The following ATP11C variants were observed in gnomAD, a reference collection of about 807,000 sequenced individuals.
ATP11C encodes phospholipid-transporting ATPase IG.
In ATP11C, 36 loss-of-function variants were observed where a neutral mutation model predicts 97.4. That is an observed-to-expected ratio of 0.37 (90% CI 0.28 to 0.49). The LOEUF (loss-of-function observed/expected upper bound fraction) is 0.49, where lower values mean the gene tolerates loss of function less well. Ranked by LOEUF, ATP11C falls within the 20% of genes least tolerant of loss-of-function variation. The probability of loss-of-function intolerance (pLI) is 0.98; values close to 1 mark genes in which losing one functional copy is unlikely to be tolerated. For synonymous variants in ATP11C, 275 were observed against 290.9 expected (o/e 0.95, Z 0.56); for missense variants, 730 against 824.6 (o/e 0.89, Z 1.40).
chrX:139,731,873 C>A, intron 28 of ATP11C, 118 bp from the exon 29 acceptor site: 1 of 314,661 alleles, frequency 3.2e-6, no homozygotes, highest in Non-Finnish European at 5.6e-6. Flanking sequence ...ACTCCTCTGG[C>A]CAAAAGTACA....
rs376424504 is a variant in ATP11C, at chrX:139,831,774, T to G, written c.28-4951A>C. 9.8e-5 allele frequency among the ~76,000 whole-genome samples: 11 copies of G among 111,916 alleles called. No individual in the cohort carries two copies. In the East Asian group the frequency reaches 2.3e-3, roughly 23 times the overall value. ...CCATTTATAGGAAGTAACCTGCGACTCTCAGTGTTCCTTTGGGGTCTCAGC... is the reference window on the plus strand; with the variant it reads ...CCATTTATAGGAAGTAACCTGCGACGCTCAGTGTTCCTTTGGGGTCTCAGC... On this transcript the variant is annotated intron_variant, in intron 1 of 29. Transcript: ENST00000682941.
chrX:139,893,579 A>G (rs4354480), intron 1 of ATP11C, among the ~76,000 whole-genome samples: 7,956 of 111,533 alleles, frequency 0.071, 290 homozygotes, highest in Admixed American at 0.17. Flanking sequence ...TATCATGAGC[A>G]TAACAGGTAA....
At chrX:139,788,650 A>G (rs1569456030) in intron 13 of ATP11C, among the ~76,000 whole-genome samples, 1 of 111,827 alleles carries the variant, frequency 8.9e-6, no homozygotes. Context: ...TCTAATTCAC[A>G]ATCTAGCAAT....
At chrX:139,920,428 C>T (rs1016721274) in intron 1 of ATP11C, among the ~76,000 whole-genome samples, 32 of 110,511 alleles carry the variant, frequency 2.9e-4, no homozygotes, top group Non-Finnish European at 5.7e-4. Flanking sequence ...TATTACTATG[C>T]TACACCAAAG....
intron 1 of ATP11C, among the ~76,000 whole-genome samples, chrX:139,829,954 C>T (rs2083610201): frequency 9.0e-6 from 1 of 111,280 alleles, no homozygotes; most frequent in African/African-American, 3.3e-5. Context: ...TATGTCTTTG[C>T]TAGTCATAAA....
chrX:139,926,666 T>C (rs2085356190), intron 1 of ATP11C, among the ~76,000 whole-genome samples: 1 of 112,640 alleles, frequency 8.9e-6, no homozygotes, highest in Non-Finnish European at 1.9e-5. Context: ...ACCTGGTATA[T>C]AGGCACTCAA....
Position 139,731,654 on chromosome X carries a change from T to C in ATP11C, c.3390A>G (p.Ter1130=). 1 of 1,167,462 alleles carries C rather than the reference T, an allele frequency of 8.6e-7. No individual in the cohort carries two copies. The highest frequency in any genetic ancestry group is 1.2e-6 in the Non-Finnish European group (1 of 864,446). Residue 1130 remains the stop codon, a stop_retained_variant, in exon 29 of 30, where the codon TAA becomes TAG. Coordinates refer to ENST00000682941, the MANE Select transcript of ATP11C (RefSeq NM_001353812.2). The stretch of plus-strand genomic sequence containing the variant: ...CCATTTGTTTAACACTAGGTACCTG[T>C]TACAATACATTAGATTCGTCTGAGA... ...RTFSDESNVL[*] is the part of the protein sequence containing the mutation.
chrX:139,789,381 A>G lies in ATP11C; in HGVS notation c.1314T>C (p.Val438=), dbSNP rs780385336. Reference sequence around the variant, plus strand: ...TTCCATCAGTTTGAGATAATCCATCAACCTCTTGAGTTACACCTTTATATT... The same window carrying G: ...TTCCATCAGTTTGAGATAATCCATCGACCTCTTGAGTTACACCTTTATATT... ...GHKYKGVTQE[V]DGLSQTDGTL... Residue 438 remains valine, a synonymous_variant, in exon 13 of 30, where the codon GTT becomes GTC. Coordinates refer to ENST00000682941, the MANE Select transcript of ATP11C (RefSeq NM_001353812.2). 1.7e-6 allele frequency: 2 copies of G among 1,207,182 alleles called. No homozygotes were observed. Among genetic ancestry groups the G allele is most frequent in the Admixed American group, 4.4e-5 (2 of 45,771 alleles).
chrX:139,919,871 A>C (rs928359633), intron 1 of ATP11C, among the ~76,000 whole-genome samples: 4 of 111,783 alleles, frequency 3.6e-5, no homozygotes, highest in African/African-American at 1.3e-4. Context: ...ATGTGCCATG[A>C]TGGCGCCACT....
chrX:139,872,634 T>C (rs1204701720), intron 1 of ATP11C, among the ~76,000 whole-genome samples: 2 of 110,811 alleles, frequency 1.8e-5, no homozygotes, highest in African/African-American at 6.6e-5. Flanking sequence ...GTCCTTGCGA[T>C]AGTTTGCTCA....
At chrX:139,869,117 G>C (rs1474383546) in intron 1 of ATP11C, among the ~76,000 whole-genome samples, 1 of 112,206 alleles carries the variant, frequency 8.9e-6, no homozygotes, top group Admixed American at 9.4e-5. Context: ...TCCCACTTCT[G>C]GGTGTATCAC....
intron 1 of ATP11C, among the ~76,000 whole-genome samples, chrX:139,896,330 T>C (rs771441652): frequency 9.1e-6 from 1 of 110,110 alleles, no homozygotes; most frequent in South Asian, 3.9e-4. Context: ...AAATCCCAAT[T>C]GAAGGACATT....
chrX:139,802,051 G>T (rs187480069), intron 7 of ATP11C, among the ~76,000 whole-genome samples, 185 bp downstream of exon 7: 15 of 111,924 alleles, frequency 1.3e-4, no homozygotes, highest in Non-Finnish European at 2.3e-4. Context: ...GGCCCACAAT[G>T]ATTTATTCTG....
At chrX:139,927,783 G>A (rs1378253852) in intron 1 of ATP11C, among the ~76,000 whole-genome samples, 3 of 110,060 alleles carry the variant, frequency 2.7e-5, no homozygotes, top group Non-Finnish European at 5.7e-5. Context: ...TATAGCTTTC[G>A]GCATTAGATG....
intron 1 of ATP11C, among the ~76,000 whole-genome samples, chrX:139,863,632 T>C (rs1402499586): frequency 8.9e-6 from 1 of 111,829 alleles, no homozygotes; most frequent in Non-Finnish European, 1.9e-5. Flanking sequence ...TGATTCAAAT[T>C]TAAACAATTG....
At chrX:139,797,954 G>T (rs1174022829) in intron 10 of ATP11C, among the ~76,000 whole-genome samples, 3 of 111,747 alleles carry the variant, frequency 2.7e-5, no homozygotes, top group Non-Finnish European at 5.6e-5. Context: ...CTAGCAAAAA[G>T]GAATGAATTT....
chrX:139,800,766 A>T (rs904226735), intron 7 of ATP11C, among the ~76,000 whole-genome samples: 21 of 112,089 alleles, frequency 1.9e-4, no homozygotes, highest in African/African-American at 6.2e-4. Flanking sequence ...GGTAACCTGT[A>T]TTTCTGCAAA....
chrX:139,933,090 C>G (rs2085470224), upstream of ATP11C: 1 of 111,322 alleles, frequency 9.0e-6, no homozygotes, highest in African/African-American at 3.3e-5. Flanking sequence ...TTCCCTGACC[C>G]CCACCCCGCC....
intron 1 of ATP11C, among the ~76,000 whole-genome samples, chrX:139,896,249 G>C (rs1271863072): frequency 9.1e-6 from 1 of 110,369 alleles, no homozygotes; most frequent in Non-Finnish European, 1.9e-5. Flanking sequence ...TGATGAGAAT[G>C]GCCCTTCACC....
Sources: allele counts gnomAD v4.1 joint callset (sites outside exome capture counted in the v4.1 genomes callset), GRCh38; gene constraint gnomAD v4.1.1; transcripts MANE v1.5; gene names NCBI Gene and HGNC (gene_info 2026-07-23, HGNC 2026-07-21).